The following TPD52 variants were observed in gnomAD, a reference collection of about 807,000 sequenced individuals.
TPD52 encodes the protein tumor protein D52, also known as prostate and colon associated protein.
Under a neutral mutation model 31.3 loss-of-function variants are expected in TPD52, and 17 were observed. The ratio of observed to expected loss-of-function variants is 0.54; its 90% CI spans 0.37 to 0.82. The LOEUF is 0.82. TPD52 is among the 40% of genes least tolerant of loss of function. TPD52 has a pLI of 0.00. For missense variants in TPD52, 212 were observed against 240.1 expected (o/e 0.88, Z 0.77); for synonymous variants, 83 against 89.6 (o/e 0.93, Z 0.42).
intron 2 of TPD52, 117 bp downstream of exon 2, chr8:80,064,361 A>C (rs1812883113): frequency 1.2e-6 from 1 of 821,314 alleles, no homozygotes. Flanking sequence ...AGAAGTAAAC[A>C]CATATGCTTT....
chr8:80,136,079 A>G (rs1464285279), intron 1 of TPD52, among the ~76,000 whole-genome samples: 1 of 143,220 alleles, frequency 7.0e-6, no homozygotes, highest in African/African-American at 2.6e-5. Context: ...ACATGTATAC[A>G]TATGTAACTA....
At position 80,171,526 on chromosome 8, in the gene TPD52, G is replaced by C; in HGVS notation, c.-83C>G. On this transcript the variant is annotated 5_prime_UTR_variant, in exon 1 of 8. Coordinates refer to ENST00000518937, the MANE Select transcript of TPD52 (RefSeq NM_001025253.3). ...CTCGGATCGCCCGCCGCGCCGCGCA[G>C]AGCTCCTCCTCGCCTCCGCCGGCGA... The C allele has an allele frequency of 6.8e-7, 1 of 1,461,044 alleles. No homozygotes were observed. The highest frequency in any genetic ancestry group is 9.0e-7 in the Non-Finnish European group (1 of 1,117,148). The allele number at this position is 1,461,044 out of a possible 1,614,324, so 90.5% of individuals were successfully genotyped here. A position where few individuals can be genotyped will look rare whatever the true frequency, so the allele number is the denominator to read the frequency against.
chr8:80,142,721 A>G (rs989046126), intron 1 of TPD52, among the ~76,000 whole-genome samples: 1 of 152,086 alleles, frequency 6.6e-6, no homozygotes, highest in Non-Finnish European at 1.5e-5. Flanking sequence ...GCACAATCAG[A>G]CTGGTCCTGG....
chr8:80,082,969 T>C (rs1428471738), intron 1 of TPD52, among the ~76,000 whole-genome samples: 1 of 152,190 alleles, frequency 6.6e-6, no homozygotes, highest in African/African-American at 2.4e-5. Context: ...CAGTTTTTGT[T>C]CTCATTATCT....
chr8:80,065,275 C>T (rs956906735), intron 1 of TPD52, among the ~76,000 whole-genome samples: 2 of 121,112 alleles, frequency 1.7e-5, no homozygotes, highest in African/African-American at 5.8e-5. Flanking sequence ...CTATATATAT[C>T]TATATCTATA....
intron 1 of TPD52, among the ~76,000 whole-genome samples, chr8:80,111,585 A>G (rs1055604309): frequency 1.4e-4 from 22 of 152,364 alleles, no homozygotes; most frequent in African/African-American, 4.6e-4. Flanking sequence ...AAAATTTTTT[A>G]AGATCTTGAT....
At position 80,094,465 on chromosome 8, in the gene TPD52, T is replaced by C. The variant is rs1469167527; in HGVS notation, c.20-29872A>G. 5.9e-5 allele frequency among the ~76,000 whole-genome samples: 7 copies of C among 117,976 alleles called. 1 individual carries two copies. Among genetic ancestry groups the C allele is most frequent in the South Asian group, 2.8e-4 (1 of 3,596 alleles). The allele number at this position is 117,976 out of a possible 152,430, so 77.4% of individuals were successfully genotyped here. On this transcript the variant is annotated intron_variant, in intron 1 of 7. Coordinates refer to ENST00000518937, the MANE Select transcript of TPD52 (RefSeq NM_001025253.3). The stretch of plus-strand genomic sequence containing the variant: ...ATATATATATATATATATATATATA[T>C]ATATATATATATATATATATGTATG...
In TPD52 at chr8:80,047,328, C is replaced by T. The variant is rs142733790; in HGVS notation, c.413+3117G>A. The stretch of plus-strand genomic sequence containing the variant: ...ATCTGCTTCTGAGGTACTATTGTCT[C>T]GCTGGGCTTATAAATGTTAATTATT... On this transcript the variant is annotated intron_variant, in intron 5 of 7. Coordinates refer to ENST00000518937, the MANE Select transcript of TPD52 (RefSeq NM_001025253.3). Among the ~76,000 whole-genome samples, 310 of 152,216 alleles carry T rather than the reference C, an allele frequency of 2.0e-3. 1 individual carries two copies. Among genetic ancestry groups the T allele is most frequent in the African/African-American group, 7.1e-3 (296 of 41,520 alleles).
chr8:80,051,407 C>T, intron 4 of TPD52, 120 bp downstream of exon 4: 1 of 876,874 alleles, frequency 1.1e-6, no homozygotes, highest in Non-Finnish European at 1.8e-6. Context: ...GGAGTGCCCT[C>T]CCTCACTCTA....
chr8:80,132,559 A>G (rs1586362536), intron 1 of TPD52, among the ~76,000 whole-genome samples: 1 of 152,108 alleles, frequency 6.6e-6, no homozygotes, highest in East Asian at 1.9e-4. Flanking sequence ...TATGTTTGCA[A>G]ATCATTCAGT....
In TPD52 at chr8:80,103,733, C is replaced by T. The variant is rs117826817; in HGVS notation, c.20-39140G>A. Among the ~76,000 whole-genome samples, 1,210 of 152,328 alleles carry T rather than the reference C, an allele frequency of 7.9e-3. 11 individuals are homozygous for T. Among genetic ancestry groups the T allele is most frequent in the Non-Finnish European group, 0.013 (902 of 68,034 alleles). On this transcript the variant is annotated intron_variant, in intron 1 of 7. Transcript: ENST00000518937. ...CAAGTTCATTTTAACATTTCTGCTCCAGACTAGGTTTGGAAGTCACAGCAG... is the reference window on the plus strand; with the variant it reads ...CAAGTTCATTTTAACATTTCTGCTCTAGACTAGGTTTGGAAGTCACAGCAG...
intron 1 of TPD52, chr8:80,119,986 C>A: frequency 4.1e-6 from 1 of 244,342 alleles, no homozygotes; most frequent in Non-Finnish European, 8.3e-6. Context: ...GGATAAAAAA[C>A]TCAAAAGTTA....
intron 1 of TPD52, among the ~76,000 whole-genome samples, chr8:80,072,815 A>ATATATATATATATAT (rs1586229273): frequency 6.6e-6 from 1 of 151,234 alleles, no homozygotes; most frequent in Non-Finnish European, 1.5e-5. Context: ...ATATATATAT[A>ATATATATATATATAT]AACTTGGCCA....
In TPD52 at chr8:80,035,781, A is replaced by T. The variant is rs553278974; in HGVS notation, c.*2335T>A. On this transcript the variant is annotated 3_prime_UTR_variant, in exon 8 of 8. Transcript: ENST00000518937. ...TTTTCTTCTACACTTGAGTCCTTAC[A>T]TCTGTGAGATTTCATAAGTATCTGA... 1.3e-5 allele frequency: 2 copies of T among 152,256 alleles called. No homozygotes were observed. The highest frequency in any genetic ancestry group is 4.8e-5 in the African/African-American group (2 of 41,550). 9.4% of individuals were successfully genotyped at this position (152,256 alleles called of 1,614,324 possible). A position where few individuals can be genotyped will look rare whatever the true frequency, so the allele number is the denominator to read the frequency against.
At chr8:80,056,988 G>A in intron 2 of TPD52, among the ~76,000 whole-genome samples, 1 of 152,102 alleles carries the variant, frequency 6.6e-6, no homozygotes, top group South Asian at 2.1e-4. Context: ...GGCTAACATG[G>A]TGAAACCCCA....
At position 80,035,567 on chromosome 8, in the gene TPD52, T is replaced by C. The variant is rs1809843105; in HGVS notation, c.*2549A>G. The C allele has an allele frequency of 1.3e-5, 2 of 152,250 alleles. No homozygotes were observed. The highest frequency in any genetic ancestry group is 1.3e-4 in the Admixed American group (2 of 15,290). 9.4% of individuals were successfully genotyped at this position (152,250 alleles called of 1,614,324 possible). A position where few individuals can be genotyped will look rare whatever the true frequency, so the allele number is the denominator to read the frequency against. ...CTATACAAAAAATAGACTGTGCATA[T>C]CTTAACAGATCCAGATCCAAATTAA... On this transcript the variant is annotated 3_prime_UTR_variant, in exon 8 of 8. Coordinates refer to ENST00000518937, the MANE Select transcript of TPD52 (RefSeq NM_001025253.3).
rs1812066931 is a variant in TPD52 at position 80,057,806 on chromosome 8, A to AT, written c.136-4377dup. Among the ~76,000 whole-genome samples, 3 of 152,278 alleles carry AT rather than the reference A, an allele frequency of 2.0e-5. No individual in the cohort carries two copies. The South Asian group carries it at 6.2e-4, about 32-fold the overall frequency. On this transcript the variant is annotated intron_variant, in intron 2 of 7. Coordinates refer to ENST00000518937, the MANE Select transcript of TPD52 (RefSeq NM_001025253.3). ...CGCACATGTACCCCCTGAATCTAAAATTTTTTAAATAAAAAATTTAAGTTT... is the reference window on the plus strand; with the variant it reads ...CGCACATGTACCCCCTGAATCTAAAATTTTTTTAAATAAAAAATTTAAGTTT...
chr8:80,153,857 G>C (rs1007451750), intron 1 of TPD52, among the ~76,000 whole-genome samples: 2 of 152,218 alleles, frequency 1.3e-5, no homozygotes, highest in Non-Finnish European at 2.9e-5. Flanking sequence ...CTTGGCGGGA[G>C]CCAGGCCCTA....
chr8:80,147,467 G>C (rs1257070304), intron 1 of TPD52, among the ~76,000 whole-genome samples: 1 of 152,206 alleles, frequency 6.6e-6, no homozygotes, highest in African/African-American at 2.4e-5. Flanking sequence ...GGTGGAGAGA[G>C]TACATGACAA....
Sources: gnomAD v4.1 joint callset for allele counts (sites outside exome capture counted in the v4.1 genomes callset) on GRCh38, gnomAD v4.1.1 for gene constraint, MANE v1.5 for transcripts, NCBI Gene and HGNC (gene_info 2026-07-23, HGNC 2026-07-21) for gene names.